USH2A: variants seen among roughly 807,000 people sequenced by gnomAD.
USH2A encodes usherin, also known as Usher syndrome 2A (autosomal recessive, mild).
Under a neutral mutation model 538.9 loss-of-function variants are expected in USH2A, and 443 were observed. The observed-to-expected ratio is 0.82, with a 90% CI of 0.76 to 0.89. The LOEUF is 0.89. Ranked by LOEUF, USH2A falls within the 40% of genes least tolerant of loss-of-function variation. The pLI, the probability that USH2A is intolerant of heterozygous loss-of-function variation, is 0.00. For missense variants in USH2A, 6,633 were observed against 6,324.8 expected, an observed-to-expected ratio of 1.05 and a Z score of -1.65; for synonymous variants, 2,413 against 2,273.5, an observed-to-expected ratio of 1.06 and a Z score of -1.75.
chr1:216,103,143 G>A (rs1168415271), intron 21 of USH2A, among the ~76,000 whole-genome samples: 1 of 152,226 alleles, frequency 6.6e-6, no homozygotes, highest in African/African-American at 2.4e-5. Flanking sequence ...GATGTTAGAA[G>A]TCTGGATAGA....
chr1:215,749,564 C>G (rs548845203), intron 58 of USH2A, among the ~76,000 whole-genome samples: 1 of 152,254 alleles, frequency 6.6e-6, no homozygotes, highest in Non-Finnish European at 1.5e-5. Context: ...AAACCCTATA[C>G]CATCTGCAAT....
At chr1:215,917,587 T>A (rs1665986414) in intron 38 of USH2A, among the ~76,000 whole-genome samples, 1 of 151,852 alleles carries the variant, frequency 6.6e-6, no homozygotes, top group African/African-American at 2.4e-5. Context: ...AAGCCACTCT[T>A]TTCAGGAAGA....
At chr1:216,173,905 A>T in intron 21 of USH2A, 1 of 913,538 alleles carries the variant, frequency 1.1e-6, no homozygotes, top group Non-Finnish European at 1.3e-6. Context: ...GAGTTTTACT[A>T]TTATTCATGT....
chr1:216,142,434 A>C (rs1033854221), intron 21 of USH2A, among the ~76,000 whole-genome samples: 1 of 152,254 alleles, frequency 6.6e-6, no homozygotes, highest in Non-Finnish European at 1.5e-5. Context: ...AATAGAAATC[A>C]TATTACAAAT....
chr1:215,689,980 T>G (rs140058669), intron 61 of USH2A, among the ~76,000 whole-genome samples: 2,880 of 152,302 alleles, frequency 0.019, 49 homozygotes, highest in Non-Finnish European at 0.026. Context: ...CAGTAATATA[T>G]CTTCTCTATC....
chr1:215,626,297 C>T (rs1350816930), intron 71 of USH2A, among the ~76,000 whole-genome samples: 1 of 149,150 alleles, frequency 6.7e-6, no homozygotes, highest in Non-Finnish European at 1.5e-5. Flanking sequence ...TGTATATATA[C>T]ACTATATATA....
In USH2A at chr1:216,325,396, C is replaced by T. The variant is rs1202861994; in HGVS notation, c.1052G>A (p.Gly351Asp). The T allele has an allele frequency of 3.1e-6, 5 of 1,613,678 alleles. No individual in the cohort carries two copies. Among genetic ancestry groups the T allele is most frequent in the Non-Finnish European group, 3.4e-6 (4 of 1,179,878 alleles). Residue 351 changes from glycine to aspartate, a missense_variant, in exon 6 of 72, where the codon GGT (glycine) becomes GAT (aspartate). Gly to Asp is a moderately conservative substitution (Grantham distance 94). Coordinates refer to ENST00000307340, the MANE Select transcript of USH2A (RefSeq NM_206933.4). ...AAACACATTTGAAACCCATGAAGTA[C>T]CAACATCATTATCATTGACAAAAGA... ...PLSFVNDNDV[G>D]TSWVSNVFTN...
At chr1:216,149,225 C>A (rs570379212) in intron 21 of USH2A, among the ~76,000 whole-genome samples, 82 of 152,236 alleles carry the variant, frequency 5.4e-4, no homozygotes, top group African/African-American at 1.9e-3. Flanking sequence ...CTGTTAGAGG[C>A]CCTCAAAATA....
At chr1:215,685,080 C>T (rs955053419) in intron 61 of USH2A, among the ~76,000 whole-genome samples, 1 of 152,030 alleles carries the variant, frequency 6.6e-6, no homozygotes, top group African/African-American at 2.4e-5. Context: ...AGAAGCAGTT[C>T]GAGCTCCCAT....
chr1:216,299,142 G>A (rs1412955052), intron 9 of USH2A, among the ~76,000 whole-genome samples: 2 of 151,854 alleles, frequency 1.3e-5, no homozygotes, highest in East Asian at 1.9e-4. Flanking sequence ...GTGCCTGTCC[G>A]AGAATATGTT....
Position 215,625,176 on chromosome 1 carries a change from C to A in USH2A, c.*605G>T, listed in dbSNP as rs1021167856. 4.5e-5 allele frequency: 7 copies of A among 155,210 alleles called. No homozygotes were observed. The highest frequency in any genetic ancestry group is 1.7e-4 in the African/African-American group (7 of 41,426). The allele number at this position is 155,210 out of a possible 1,614,324, so 9.6% of individuals were successfully genotyped here. On this transcript the variant is annotated 3_prime_UTR_variant, in exon 72 of 72. Coordinates refer to ENST00000307340, the MANE Select transcript of USH2A (RefSeq NM_206933.4). ...CCTTGTCAAAAAGTTTGGTGAGTAA[C>A]CCTATGTATTGTAAATAAATAGAAC...
chr1:216,369,361 T>C (rs1220087081), intron 3 of USH2A, among the ~76,000 whole-genome samples: 5 of 152,144 alleles, frequency 3.3e-5, no homozygotes, highest in Non-Finnish European at 5.9e-5. Context: ...ACCTAAGGCC[T>C]TCTGAGATTT....
At chr1:215,688,731 C>T (rs12068838) in intron 61 of USH2A, among the ~76,000 whole-genome samples, 1,564 of 152,096 alleles carry the variant, frequency 0.01, 28 homozygotes, top group African/African-American at 0.035. Flanking sequence ...GAACATTAAT[C>T]CTATAGGATG....
At chr1:216,358,397 C>T (rs990029995) in intron 4 of USH2A, among the ~76,000 whole-genome samples, 4 of 152,160 alleles carry the variant, frequency 2.6e-5, no homozygotes, top group East Asian at 1.9e-4. Context: ...GCTCAGTAAT[C>T]GCTTGCACAA....
intron 21 of USH2A, among the ~76,000 whole-genome samples, chr1:216,164,564 A>C (rs1396703808): frequency 6.6e-6 from 1 of 152,156 alleles, no homozygotes. Flanking sequence ...TTATAAGTAC[A>C]CATAACATTT....
At chr1:216,123,412 G>C (rs1478543524) in intron 21 of USH2A, among the ~76,000 whole-genome samples, 1 of 152,158 alleles carries the variant, frequency 6.6e-6, no homozygotes, top group African/African-American at 2.4e-5. Context: ...TGTTATCTAT[G>C]ACATATGTTC....
intron 13 of USH2A, among the ~76,000 whole-genome samples, chr1:216,235,311 T>C (rs527475969): frequency 1.3e-5 from 2 of 152,292 alleles, no homozygotes; most frequent in African/African-American, 4.8e-5. Context: ...TTGTAACTGA[T>C]CATATTGAGA....
At chr1:215,653,253 T>C (rs1657137237) in intron 64 of USH2A, among the ~76,000 whole-genome samples, 1 of 152,196 alleles carries the variant, frequency 6.6e-6, no homozygotes, top group African/African-American at 2.4e-5. Context: ...TTAAAAACAC[T>C]TGGGCCTCAG....
intron 50 of USH2A, among the ~76,000 whole-genome samples, chr1:215,798,370 A>G (rs1047147573): frequency 6.6e-6 from 1 of 152,206 alleles, no homozygotes; most frequent in Non-Finnish European, 1.5e-5. Context: ...ATAATGTCTA[A>G]TATCTAATGT....
Sources: allele counts gnomAD v4.1 joint callset (sites outside exome capture counted in the v4.1 genomes callset), GRCh38; gene constraint gnomAD v4.1.1; transcripts MANE v1.5; gene names NCBI Gene and HGNC (gene_info 2026-07-23, HGNC 2026-07-21).